Variants in TADA3 observed in about 807,000 individuals in gnomAD.
TADA3 encodes the protein transcriptional adaptor 3.
In TADA3, 25 loss-of-function variants were observed where a neutral mutation model predicts 43.2. The observed-to-expected ratio is 0.58, with a 90% CI of 0.42 to 0.81. The LOEUF (loss-of-function observed/expected upper bound fraction) is 0.81. Among genes scored for constraint, TADA3 ranks in the 30% least tolerant of loss-of-function variants. The pLI, the probability that TADA3 is intolerant of heterozygous loss-of-function variation, is 0.00. For synonymous variants in TADA3, 235 were observed against 225.5 expected (o/e 1.04, Z -0.38); for missense variants, 441 against 567.8 (o/e 0.78, Z 2.27).
At chr3:9,784,691 C>A (rs1211165596) in intron 7 of TADA3, among the ~76,000 whole-genome samples, 2 of 151,652 alleles carry the variant, frequency 1.3e-5, no homozygotes, top group African/African-American at 4.8e-5. Context: ...ATGGTGAAAC[C>A]CCGTCTCTAC....
At chr3:9,791,177 C>G in intron 2 of TADA3, 83 bp downstream of exon 2, 1 of 1,401,070 alleles carries the variant, frequency 7.1e-7, no homozygotes, top group Non-Finnish European at 9.8e-7. Flanking sequence ...CCCCAAGTCT[C>G]AGCATATGGG....
intron 8 of TADA3, chr3:9,783,824 G>T: frequency 3.3e-6 from 3 of 906,010 alleles, no homozygotes; most frequent in Non-Finnish European, 4.6e-6. Flanking sequence ...GTCAGTCACA[G>T]ATGCCTGAGC....
At position 9,789,740 on chromosome 3, in the gene TADA3, C is replaced by T. The variant is rs367779444; in HGVS notation, c.431G>A (p.Arg144Gln). ...GTTGGGGGCATCATTTTTGGGGATC[C>T]GTGGCACGTCGATAGGGTCATCAGT... ...EFTDDPIDVP[R>Q]IPKNDAPNRF... The change falls in exon 3 of 9, where the codon CGG becomes CAG. Residue 144 changes from arginine to glutamine, a missense_variant. Coordinates refer to ENST00000301964, the MANE Select transcript of TADA3 (RefSeq NM_006354.5). 2.5e-5 allele frequency: 40 copies of T among 1,613,520 alleles called. No individual in the cohort carries two copies. Among genetic ancestry groups the T allele is most frequent in the Middle Eastern group, 1.6e-4 (1 of 6,062 alleles).
At chr3:9,790,403 C>T (rs774646434) in intron 2 of TADA3, among the ~76,000 whole-genome samples, 28 of 152,156 alleles carry the variant, frequency 1.8e-4, no homozygotes, top group Non-Finnish European at 8.8e-5. Context: ...TCCATTCATC[C>T]TTTTAGGTCC....
At chr3:9,792,506 G>A (rs936123560), upstream of TADA3, 4 of 1,218,122 alleles carry the variant, frequency 3.3e-6, no homozygotes, top group Non-Finnish European at 4.1e-6. Context: ...GTTGACGCGG[G>A]GGCGGGGAGT....
chr3:9,781,230 G>C (rs776477172), intron 8 of TADA3, among the ~76,000 whole-genome samples: 1 of 152,024 alleles, frequency 6.6e-6, no homozygotes, highest in African/African-American at 2.4e-5. Flanking sequence ...AAGATCACTT[G>C]AAGCCAGGAG....
rs1025265528 is a variant in TADA3, at chr3:9,792,395, C to T, written c.-207G>A. 14 of 801,704 alleles carry T rather than the reference C, an allele frequency of 1.7e-5. No homozygotes were observed. The highest frequency in any genetic ancestry group is 2.2e-5 in the Non-Finnish European group (14 of 644,800). The allele number at this position is 801,704 out of a possible 1,614,324, so 49.7% of individuals were successfully genotyped here. On this transcript the variant is annotated 5_prime_UTR_variant, in exon 1 of 9. Coordinates refer to ENST00000301964, the MANE Select transcript of TADA3 (RefSeq NM_006354.5). ...GCGACCCCCGCCCCCTCTACCTCCTCGCTGCGGCCTCCTACGGCCCCAGGG... is the reference window on the plus strand; with the variant it reads ...GCGACCCCCGCCCCCTCTACCTCCTTGCTGCGGCCTCCTACGGCCCCAGGG...
intron 1 of TADA3, among the ~76,000 whole-genome samples, chr3:9,791,991 C>T (rs116945351): frequency 6.6e-6 from 1 of 152,208 alleles, no homozygotes; most frequent in African/African-American, 2.4e-5. Context: ...CCACCTTTCT[C>T]CCTTCTCTAG....
chr3:9,792,546 G>A (rs889117834), upstream of TADA3: 31 of 1,226,022 alleles, frequency 2.5e-5, no homozygotes, highest in East Asian at 3.2e-5. Context: ...GGAGTTTGCC[G>A]GGGGTGGGAA....
chr3:9,789,628 C>G lies in TADA3; in HGVS notation c.459-14G>C, dbSNP rs1389368087. 6.2e-7 allele frequency: 1 copy of G among 1,613,480 alleles called. No homozygotes were observed. The highest frequency in any genetic ancestry group is 8.5e-7 in the Non-Finnish European group (1 of 1,179,654). On this transcript the variant is annotated splice_polypyrimidine_tract_variant and intron_variant, in intron 3 of 8. Coordinates refer to ENST00000301964, the MANE Select transcript of TADA3 (RefSeq NM_006354.5). ...GAAGCCCAGAACCTGCAGGGAGAAG[C>G]AGATCCTGAGTGGGCGCCCCTGCCC...
chr3:9,789,255 G>T (rs531033765), intron 4 of TADA3, among the ~76,000 whole-genome samples: 31 of 152,184 alleles, frequency 2.0e-4, no homozygotes, highest in Non-Finnish European at 3.2e-4. Flanking sequence ...GAGGGGATGG[G>T]GATAAAGGAA....
At chr3:9,780,753 G>T (rs555994731) in intron 8 of TADA3, among the ~76,000 whole-genome samples, 2 of 152,202 alleles carry the variant, frequency 1.3e-5, no homozygotes, top group African/African-American at 4.8e-5. Flanking sequence ...TGTTGATCAC[G>T]GGGGAGGCTG....
chr3:9,786,926 G>T, intron 6 of TADA3, 80 bp downstream of exon 6: 1 of 1,327,390 alleles, frequency 7.5e-7, no homozygotes, highest in Non-Finnish European at 1.1e-6. Context: ...ATAAATGTAT[G>T]ATAAATTCCG....
intron 6 of TADA3, among the ~76,000 whole-genome samples, chr3:9,786,658 T>C (rs1455706715): frequency 6.6e-6 from 1 of 152,162 alleles, no homozygotes; most frequent in Non-Finnish European, 1.5e-5. Context: ...AACAGATGCT[T>C]AGCAAAAGTA....
upstream of TADA3, chr3:9,792,529 G>A: frequency 8.2e-7 from 1 of 1,224,536 alleles, no homozygotes; most frequent in East Asian, 3.2e-5. Context: ...GCGAGGGCGA[G>A]CCTACTGGAG....
At position 9,791,287 on chromosome 3, in the gene TADA3, G is replaced by C; in HGVS notation, c.180C>G (p.Arg60=). 1 of 1,613,306 alleles carries C rather than the reference G, an allele frequency of 6.2e-7. No individual in the cohort carries two copies. Among genetic ancestry groups the C allele is most frequent in the Non-Finnish European group, 8.5e-7 (1 of 1,179,998 alleles). Residue 60 remains arginine, a synonymous_variant, in exon 2 of 9, where the codon CGC becomes CGG. Transcript: ENST00000301964. The part of the protein sequence containing the change: ...LETLLSSASR[R]LRVLEAETQI... ...GGGTTTCGGCCTCAAGCACACGCAG[G>C]CGCCGGCTGGCAGAAGACAGCAGGG... is the stretch of plus-strand genomic sequence containing the variant.
intron 4 of TADA3, 101 bp downstream of exon 4, chr3:9,789,408 T>G: frequency 1.9e-6 from 2 of 1,074,684 alleles, no homozygotes; most frequent in African/African-American, 1.6e-5. Flanking sequence ...CTGGGCAGGG[T>G]TGGGGAAGGA....
At chr3:9,788,070 A>G (rs1330369924) in intron 4 of TADA3, 1 of 252,452 alleles carries the variant, frequency 4.0e-6, no homozygotes, top group East Asian at 9.8e-5. Context: ...GGATGCGTGG[A>G]CTTGATCCTG....
At chr3:9,790,980 G>A (rs2078716193) in intron 2 of TADA3, among the ~76,000 whole-genome samples, 1 of 152,164 alleles carries the variant, frequency 6.6e-6, no homozygotes, top group Non-Finnish European at 1.5e-5. Context: ...AGCCATAACT[G>A]TCCTAATTAC....
Sources: gnomAD v4.1 joint callset for allele counts (sites outside exome capture counted in the v4.1 genomes callset) on GRCh38, gnomAD v4.1.1 for gene constraint, MANE v1.5 for transcripts, NCBI Gene and HGNC (gene_info 2026-07-23, HGNC 2026-07-21) for gene names.